Variants in CNTN4 observed in about 807,000 individuals in gnomAD.
CNTN4 encodes contactin 4.
CNTN4 carries 77 observed loss-of-function variants against 122.5 expected under a neutral mutation model. That is an observed-to-expected ratio of 0.63 (90% CI 0.52 to 0.76). The LOEUF is 0.76. CNTN4 is among the 30% of genes least tolerant of loss of function. The pLI is 0.00. For synonymous variants in CNTN4, 512 were observed against 447.0 expected (o/e 1.15, Z -1.83); for missense variants, 1,256 against 1,259.1 (o/e 1.00, Z 0.04).
intron 3 of CNTN4, among the ~76,000 whole-genome samples, chr3:2,548,742 A>G (rs1210206284): frequency 6.6e-6 from 1 of 152,136 alleles, no homozygotes; most frequent in Non-Finnish European, 1.5e-5. Context: ...TGGGGATAGC[A>G]TTGAGTCTAT....
chr3:2,448,670 A>G (rs1005486341), intron 3 of CNTN4, among the ~76,000 whole-genome samples: 5 of 152,198 alleles, frequency 3.3e-5, no homozygotes, highest in Non-Finnish European at 7.3e-5. Context: ...TGCTAGTAAC[A>G]TATCGTGGCA....
rs551977274 is a variant in CNTN4, at chr3:2,913,477, C to T, written c.1207+10472C>T. Among the ~76,000 whole-genome samples the T allele has an allele frequency of 2.0e-5, 3 of 152,104 alleles. No homozygotes were observed. In the East Asian group the frequency reaches 5.8e-4, roughly 29 times the overall value. On this transcript the variant is annotated intron_variant, in intron 12 of 24. Transcript: ENST00000418658. ...AATGAAAGAATAGAGGAAAATAATC[C>T]GTGCAAACCAGAACCTAAAGAGAGC...
At chr3:2,618,106 A>G (rs2081844781) in intron 4 of CNTN4, among the ~76,000 whole-genome samples, 1 of 152,196 alleles carries the variant, frequency 6.6e-6, no homozygotes, top group South Asian at 2.1e-4. Context: ...TAGAACAGAT[A>G]CATGTTTACA....
chr3:2,466,932 C>T (rs990967527), intron 3 of CNTN4, among the ~76,000 whole-genome samples: 6 of 146,694 alleles, frequency 4.1e-5, no homozygotes, highest in Admixed American at 2.0e-4. Flanking sequence ...TTCATTTCTT[C>T]GTTAAATTAG....
intron 4 of CNTN4, chr3:2,735,794 C>A: frequency 2.8e-6 from 1 of 357,112 alleles, no homozygotes; most frequent in Non-Finnish European, 5.5e-6. Context: ...TTGCTTCTTT[C>A]TAATTTTATC....
chr3:2,372,278 A>G (rs1423139131), intron 3 of CNTN4, among the ~76,000 whole-genome samples: 1 of 152,254 alleles, frequency 6.6e-6, no homozygotes, highest in Non-Finnish European at 1.5e-5. Context: ...TAAAGGAGAC[A>G]TAAATGGCTT....
At chr3:2,322,239 T>A (rs2043299165) in intron 2 of CNTN4, among the ~76,000 whole-genome samples, 1 of 152,156 alleles carries the variant, frequency 6.6e-6, no homozygotes, top group Non-Finnish European at 1.5e-5. Context: ...TACTTCTGTA[T>A]CAATGTTCAC....
chr3:2,612,742 C>G (rs4637273), intron 4 of CNTN4, among the ~76,000 whole-genome samples: 42,344 of 152,042 alleles, frequency 0.28, 7,339 homozygotes, highest in Middle Eastern at 0.48. Flanking sequence ...TTTCATGTCT[C>G]TATTACAGAA....
chr3:2,740,281 G>A (rs1176551658), intron 5 of CNTN4, among the ~76,000 whole-genome samples: 2 of 152,132 alleles, frequency 1.3e-5, no homozygotes, highest in African/African-American at 4.8e-5. Context: ...GATCGCTTGA[G>A]TCTAGGAGTT....
At chr3:2,773,423 G>C (rs909436049) in intron 6 of CNTN4, among the ~76,000 whole-genome samples, 2 of 152,086 alleles carry the variant, frequency 1.3e-5, no homozygotes, top group Admixed American at 1.3e-4. Context: ...TTTACATTTT[G>C]CTCTGATAAG....
At chr3:2,541,735 T>C (rs765720220) in intron 3 of CNTN4, among the ~76,000 whole-genome samples, 3 of 152,148 alleles carry the variant, frequency 2.0e-5, no homozygotes, top group Non-Finnish European at 4.4e-5. Context: ...TATGTCAGAT[T>C]GTTCTCAGAC....
chr3:3,026,055 T>C, intron 14 of CNTN4, 47 bp from the exon 15 acceptor site: 1 of 1,549,780 alleles, frequency 6.5e-7, no homozygotes, highest in Non-Finnish European at 8.9e-7. Context: ...CCACACAAGC[T>C]CACAGACTTT....
At chr3:2,312,072 G>C (rs1287146963) in intron 2 of CNTN4, among the ~76,000 whole-genome samples, 1 of 151,906 alleles carries the variant, frequency 6.6e-6, no homozygotes, top group Non-Finnish European at 1.5e-5. Context: ...ATGGCACTTT[G>C]GGAGGTTAAG....
At chr3:2,363,074 G>T (rs1478553941) in intron 3 of CNTN4, among the ~76,000 whole-genome samples, 1 of 152,088 alleles carries the variant, frequency 6.6e-6, no homozygotes, top group Non-Finnish European at 1.5e-5. Context: ...ATTATTGTAG[G>T]TATCTATATC....
chr3:3,009,497 G>A (rs1043147246), intron 14 of CNTN4, among the ~76,000 whole-genome samples: 6 of 151,388 alleles, frequency 4.0e-5, no homozygotes, highest in Admixed American at 6.6e-5. Context: ...GCAGTGGCGC[G>A]ATCTCAGCTC....
At chr3:2,851,653 G>A (rs1002953469) in intron 7 of CNTN4, among the ~76,000 whole-genome samples, 1 of 152,152 alleles carries the variant, frequency 6.6e-6, no homozygotes, top group African/African-American at 2.4e-5. Flanking sequence ...CCTCTAAGGT[G>A]GGGGTTGTTA....
intron 3 of CNTN4, among the ~76,000 whole-genome samples, chr3:2,394,485 T>C (rs2046564605): frequency 6.6e-6 from 1 of 152,190 alleles, no homozygotes; most frequent in Non-Finnish European, 1.5e-5. Flanking sequence ...CTCACATCTT[T>C]AGTTACAAGA....
intron 4 of CNTN4, among the ~76,000 whole-genome samples, chr3:2,599,572 T>C (rs1471135001): frequency 6.6e-6 from 1 of 152,192 alleles, no homozygotes; most frequent in Non-Finnish European, 1.5e-5. Flanking sequence ...CAGAAGACAC[T>C]CAGACAGCCC....
chr3:2,592,475 C>T lies in CNTN4; in HGVS notation c.55+20917C>T, dbSNP rs550593319. On this transcript the variant is annotated intron_variant, in intron 4 of 24. Coordinates refer to ENST00000418658, the MANE Select transcript of CNTN4 (RefSeq NM_175607.3). ...AATTCCCACATGTTGTGGGACGTACCGGGTAAGAGATGATTGAATCATGGG... is the reference window on the plus strand; with the variant it reads ...AATTCCCACATGTTGTGGGACGTACTGGGTAAGAGATGATTGAATCATGGG... Among the ~76,000 whole-genome samples the T allele has an allele frequency of 3.7e-4, 56 of 152,190 alleles. 1 individual carries two copies. The South Asian group carries it at 0.011, about 29-fold the overall frequency.
Sources: gnomAD v4.1 joint callset for allele counts (sites outside exome capture counted in the v4.1 genomes callset) on GRCh38, gnomAD v4.1.1 for gene constraint, MANE v1.5 for transcripts, NCBI Gene and HGNC (gene_info 2026-07-23, HGNC 2026-07-21) for gene names.